The following ARSB variants were observed in gnomAD, a reference collection of about 807,000 sequenced individuals.
ARSB encodes arylsulfatase B, also known as N-acetylgalactosamine-4-sulfatase.
In ARSB, 41 loss-of-function variants were observed where a neutral mutation model predicts 50.9. The observed-to-expected ratio is 0.81, with a 90% CI of 0.63 to 1.04. The LOEUF (loss-of-function observed/expected upper bound fraction) is 1.04, where lower values mean the gene tolerates loss of function less well. ARSB is among the 50% of genes least tolerant of loss of function. The probability of loss-of-function intolerance (pLI) is 0.00; values close to 1 mark genes in which losing one functional copy is unlikely to be tolerated. For synonymous variants in ARSB, 269 were observed against 284.8 expected (o/e 0.94, Z 0.56); for missense variants, 672 against 693.3 (o/e 0.97, Z 0.35).
intron 4 of ARSB, among the ~76,000 whole-genome samples, chr5:78,954,765 A>G (rs967944607): frequency 6.6e-6 from 1 of 152,210 alleles, no homozygotes; most frequent in Admixed American, 6.5e-5. Context: ...TCGGTCTCCC[A>G]AAGTGCTGGG....
At chr5:78,838,167 G>T (rs918263621) in intron 6 of ARSB, among the ~76,000 whole-genome samples, 2 of 152,198 alleles carry the variant, frequency 1.3e-5, no homozygotes, top group Non-Finnish European at 2.9e-5. Flanking sequence ...ACATGTGAGG[G>T]ATGCTATACG....
rs1051338617 is a variant in ARSB, at chr5:78,934,883, T to C, written c.898+20412A>G. Among the ~76,000 whole-genome samples the C allele has an allele frequency of 3.3e-5, 5 of 152,064 alleles. No homozygotes were observed. In the East Asian group the frequency reaches 5.8e-4, roughly 18 times the overall value. The stretch of plus-strand genomic sequence containing the variant: ...AGAACCTTGTATATTTATGAAACCA[T>C]AAATATTTATTAAAATTAAATAATA... On this transcript the variant is annotated intron_variant, in intron 4 of 7. Transcript: ENST00000264914.
At chr5:78,916,018 G>C (rs1209141923) in intron 4 of ARSB, among the ~76,000 whole-genome samples, 1 of 152,116 alleles carries the variant, frequency 6.6e-6, no homozygotes, top group Non-Finnish European at 1.5e-5. Flanking sequence ...TCTGAGATTA[G>C]CATTTATTAC....
chr5:78,985,401 C>G (rs908817517), upstream of ARSB: 1 of 687,272 alleles, frequency 1.5e-6, no homozygotes, highest in Non-Finnish European at 2.0e-6. Context: ...GCTCGGCCCC[C>G]GCCGCCTCCG....
At chr5:78,795,905 G>C (rs910153320) in intron 6 of ARSB, among the ~76,000 whole-genome samples, 24 of 152,196 alleles carry the variant, frequency 1.6e-4, no homozygotes, top group Non-Finnish European at 1.2e-4. Context: ...TGAAAAAAGA[G>C]CTTTGATGTG....
intron 2 of ARSB, 125 bp from the exon 3 acceptor site, chr5:78,964,731 A>C: frequency 1.1e-6 from 1 of 882,562 alleles, no homozygotes; most frequent in Non-Finnish European, 1.8e-6. Context: ...TGACAAGGCT[A>C]ATCAGCACCA....
At chr5:78,965,140 T>C (rs1752152619) in intron 2 of ARSB, among the ~76,000 whole-genome samples, 2 of 152,140 alleles carry the variant, frequency 1.3e-5, no homozygotes, top group Admixed American at 1.3e-4. Context: ...AGAGGATCTC[T>C]AGACATAACA....
chr5:78,806,022 T>C (rs1176896718), intron 6 of ARSB, among the ~76,000 whole-genome samples: 1 of 152,244 alleles, frequency 6.6e-6, no homozygotes, highest in Non-Finnish European at 1.5e-5. Context: ...ATGAGACTAA[T>C]ACTACCACCT....
rs549166442 is a variant in ARSB at position 78,964,400 on chromosome 5, T to C, written c.690+16A>G. The C allele has an allele frequency of 4.9e-5, 79 of 1,612,170 alleles. No homozygotes were observed. The East Asian group carries it at 5.6e-4, about 11-fold the overall frequency. ...GTAACAAGATTTTGCTATCAGTAAA[T>C]AGAAGCAAAACTTACCTTCTCTGGT... On this transcript the variant is annotated intron_variant, in intron 3 of 7. Coordinates refer to ENST00000264914, the MANE Select transcript of ARSB (RefSeq NM_000046.5).
At chr5:78,815,768 T>C in intron 6 of ARSB, 6 of 1,203,190 alleles carry the variant, frequency 5.0e-6, no homozygotes, top group South Asian at 2.2e-5. Context: ...GAAAGGAATT[T>C]ACTTTTGGGA....
chr5:78,873,044 G>T (rs992698111), intron 5 of ARSB, among the ~76,000 whole-genome samples: 2 of 151,838 alleles, frequency 1.3e-5, no homozygotes, highest in Admixed American at 1.3e-4. Context: ...AAAAAAAATA[G>T]AAAATGAGAA....
intron 1 of ARSB, among the ~76,000 whole-genome samples, chr5:78,980,223 T>C (rs1752843818): frequency 6.6e-6 from 1 of 152,194 alleles, no homozygotes; most frequent in Non-Finnish European, 1.5e-5. Flanking sequence ...GTAAATTATA[T>C]AGGATGTGAA....
chr5:78,830,231 C>A (rs1487918819), intron 6 of ARSB, among the ~76,000 whole-genome samples: 3 of 152,040 alleles, frequency 2.0e-5, no homozygotes, highest in Admixed American at 2.0e-4. Flanking sequence ...ATCAAAGTAA[C>A]CCTGGGGAAA....
chr5:78,955,895 A>G (rs1751701402), intron 3 of ARSB, among the ~76,000 whole-genome samples: 1 of 152,264 alleles, frequency 6.6e-6, no homozygotes, highest in Non-Finnish European at 1.5e-5. Flanking sequence ...AGTATTGGTG[A>G]GGATATGGAG....
chr5:78,795,781 G>A (rs1743158160), intron 6 of ARSB, among the ~76,000 whole-genome samples: 1 of 152,154 alleles, frequency 6.6e-6, no homozygotes, highest in African/African-American at 2.4e-5. Flanking sequence ...TTTTATATAT[G>A]CACTCCACAT....
rs555368376 is a variant in ARSB at position 78,953,903 on chromosome 5, G to A, written c.898+1392C>T. ...CACATAATACACATTTAAGAGTAATGGTTAAGAGCACAGGCTTTGGGGAAA... is the reference window on the plus strand; with the variant it reads ...CACATAATACACATTTAAGAGTAATAGTTAAGAGCACAGGCTTTGGGGAAA... On this transcript the variant is annotated intron_variant, in intron 4 of 7. Coordinates refer to ENST00000264914, the MANE Select transcript of ARSB (RefSeq NM_000046.5). Among the ~76,000 whole-genome samples the A allele has an allele frequency of 4.6e-5, 7 of 152,170 alleles. No homozygotes were observed. In the South Asian group the frequency reaches 1.5e-3, roughly 32 times the overall value.
At chr5:78,908,503 T>C (rs1336078577) in intron 4 of ARSB, among the ~76,000 whole-genome samples, 3 of 152,144 alleles carry the variant, frequency 2.0e-5, no homozygotes, top group Non-Finnish European at 1.5e-5. Context: ...CAGACAGCTG[T>C]CAGCCACTCC....
chr5:78,864,663 T>C (rs183951746), intron 5 of ARSB, among the ~76,000 whole-genome samples: 65 of 152,230 alleles, frequency 4.3e-4, no homozygotes, highest in Middle Eastern at 3.4e-3. Flanking sequence ...AACTCAAAAG[T>C]CCACATTCCA....
chr5:78,866,634 C>G (rs988482536), intron 5 of ARSB, among the ~76,000 whole-genome samples: 10 of 152,232 alleles, frequency 6.6e-5, no homozygotes, highest in East Asian at 3.9e-4. Context: ...AGGAAGTGTG[C>G]AGGACGAGAG....
Sources: gnomAD v4.1 joint callset for allele counts (sites outside exome capture counted in the v4.1 genomes callset) on GRCh38, gnomAD v4.1.1 for gene constraint, MANE v1.5 for transcripts, NCBI Gene and HGNC (gene_info 2026-07-23, HGNC 2026-07-21) for gene names.